ADAMTS2: variants seen among roughly 807,000 people sequenced by gnomAD.
ADAMTS2 encodes A disintegrin and metalloproteinase with thrombospondin motifs 2.
A neutral mutation model predicts 123.0 loss-of-function variants in ADAMTS2; 50 were observed. The ratio of observed to expected loss-of-function variants is 0.41; its 90% CI spans 0.32 to 0.51. The LOEUF (loss-of-function observed/expected upper bound fraction) is 0.51, where lower values mean the gene tolerates loss of function less well. ADAMTS2 is among the 20% of genes least tolerant of loss of function. The pLI, the probability that ADAMTS2 is intolerant of heterozygous loss-of-function variation, is 0.35. For synonymous variants in ADAMTS2, 678 were observed against 695.4 expected, an observed-to-expected ratio of 0.98 and a Z score of 0.39; for missense variants, 1,494 against 1,705.2, an observed-to-expected ratio of 0.88 and a Z score of 2.18.
intron 2 of ADAMTS2, among the ~76,000 whole-genome samples, chr5:179,309,194 A>C (rs1378730146): frequency 1.3e-5 from 2 of 152,186 alleles, no homozygotes; most frequent in African/African-American, 4.8e-5. Context: ...CATGCCTCCC[A>C]AGGGTTGTGC....
At chr5:179,208,808 G>C (rs188356378) in intron 3 of ADAMTS2, among the ~76,000 whole-genome samples, 1 of 152,108 alleles carries the variant, frequency 6.6e-6, no homozygotes, top group Non-Finnish European at 1.5e-5. Flanking sequence ...CCAGCCCCAG[G>C]GTCTCCATGG....
At chr5:179,173,246 T>TAATAAA (rs949374832) in intron 5 of ADAMTS2, among the ~76,000 whole-genome samples, 3 of 146,498 alleles carry the variant, frequency 2.0e-5, no homozygotes, top group South Asian at 2.2e-4. Context: ...ATAATAATAA[T>TAATAAA]AAAAACCATG....
intron 5 of ADAMTS2, among the ~76,000 whole-genome samples, chr5:179,167,925 T>G (rs1309184675): frequency 6.6e-6 from 1 of 152,184 alleles, no homozygotes; most frequent in Non-Finnish European, 1.5e-5. Flanking sequence ...CCCTGGGGAC[T>G]GGCCTACCCG....
intron 4 of ADAMTS2, among the ~76,000 whole-genome samples, chr5:179,183,301 G>A (rs1437496787): frequency 6.6e-6 from 1 of 152,204 alleles, no homozygotes. Flanking sequence ...TGGCCAGCTT[G>A]GCTCATGGAG....
At chr5:179,318,078 T>C (rs1056124375) in intron 2 of ADAMTS2, among the ~76,000 whole-genome samples, 11 of 152,148 alleles carry the variant, frequency 7.2e-5, no homozygotes, top group African/African-American at 2.4e-4. Context: ...CCCTGGCCAT[T>C]AGCAAAGAGG....
At chr5:179,283,839 G>A (rs774412863) in intron 2 of ADAMTS2, among the ~76,000 whole-genome samples, 4 of 151,260 alleles carry the variant, frequency 2.6e-5, no homozygotes, top group South Asian at 2.1e-4. Context: ...ACAGTGAGCC[G>A]AGATCATGTC....
intron 19 of ADAMTS2, among the ~76,000 whole-genome samples, chr5:179,124,752 G>A (rs1484252252): frequency 6.6e-6 from 1 of 152,214 alleles, no homozygotes; most frequent in African/African-American, 2.4e-5. Flanking sequence ...CGGGATCAGG[G>A]GATTGCTTAC....
Position 179,137,804 on chromosome 5 carries a change from G to GCGT in ADAMTS2, c.1913_1915dup (p.Asp638dup). The GCGT allele has an allele frequency of 6.3e-7, 1 of 1,579,286 alleles. No individual in the cohort carries two copies. The highest frequency in any genetic ancestry group is 8.6e-7 in the Non-Finnish European group (1 of 1,164,836). On this transcript the variant is annotated inframe_insertion, in exon 12 of 22. Transcript: ENST00000251582. ...CTCGTGGGGCAGCCAGTGGTGCTGG[G>GCGT]CGTCGCCGTGCTCGAAGTACAGGTC...
intron 3 of ADAMTS2, among the ~76,000 whole-genome samples, chr5:179,236,031 T>C (rs1765515004): frequency 6.6e-6 from 1 of 152,188 alleles, no homozygotes. Context: ...CCCTGAAATA[T>C]GCTCAGCCTC....
rs1005109171 is a variant in ADAMTS2 at position 179,260,092 on chromosome 5, G to C, written c.688+12819C>G. Among the ~76,000 whole-genome samples the C allele has an allele frequency of 1.3e-5, 2 of 152,146 alleles. No homozygotes were observed. Among genetic ancestry groups the C allele is most frequent in the Non-Finnish European group, 1.5e-5 (1 of 68,026 alleles). ...CAGTCCTGCTCAAGTGTGAGGAAGT[G>C]GGACTAGCAAAGGCCCAGGGCCACC... is the stretch of plus-strand genomic sequence containing the variant. On this transcript the variant is annotated intron_variant, in intron 3 of 21. Transcript: ENST00000251582. This position sits in a 1 kb window ranked among gnomAD's most constrained non-coding sequence, Gnocchi z 4.2.
intron 2 of ADAMTS2, among the ~76,000 whole-genome samples, chr5:179,316,425 C>G (rs567261634): frequency 1.3e-5 from 2 of 152,318 alleles, no homozygotes; most frequent in African/African-American, 4.8e-5. Flanking sequence ...GGGGAGTCGG[C>G]CACAGCTCAG....
intron 5 of ADAMTS2, among the ~76,000 whole-genome samples, chr5:179,168,482 C>T (rs4701067): frequency 0.35 from 53,291 of 151,888 alleles, 9,534 homozygotes; most frequent in South Asian, 0.38. Context: ...ATGATCACAG[C>T]GCCTACTCCA....
At chr5:179,327,308 C>T (rs897837855) in intron 2 of ADAMTS2, among the ~76,000 whole-genome samples, 2 of 152,210 alleles carry the variant, frequency 1.3e-5, no homozygotes, top group African/African-American at 2.4e-5. Context: ...AACAGGGCTC[C>T]TCAGTCCACA....
intron 2 of ADAMTS2, among the ~76,000 whole-genome samples, chr5:179,275,222 T>TGGGGAGAAGGTGTTACAGGCACC (rs1766662642): frequency 6.6e-6 from 1 of 151,840 alleles, no homozygotes; most frequent in East Asian, 1.9e-4. Flanking sequence ...TCTGGGGTCC[T>TGGGGAGAAGGTGTTACAGGCACC]GGGGAGAAGG....
chr5:179,235,321 A>G (rs1765499105), intron 3 of ADAMTS2, among the ~76,000 whole-genome samples: 1 of 152,202 alleles, frequency 6.6e-6, no homozygotes, highest in African/African-American at 2.4e-5. Flanking sequence ...GGGATGAAGG[A>G]ATAGACAAGG....
chr5:179,136,797 T>C (rs1763073980), intron 12 of ADAMTS2, among the ~76,000 whole-genome samples: 1 of 150,920 alleles, frequency 6.6e-6, no homozygotes, highest in African/African-American at 2.4e-5. Context: ...GGTGAAACCC[T>C]GTCTCTACAA....
chr5:179,223,452 ACACTCACACAC>A, intron 3 of ADAMTS2, among the ~76,000 whole-genome samples: 1 of 140,932 alleles, frequency 7.1e-6, no homozygotes, highest in Non-Finnish European at 1.5e-5. Context: ...TCACACACGC[ACACTCACACAC>A]GAATGCACTC....
In ADAMTS2 at chr5:179,136,059, T is replaced by TG. The variant is rs760810414; in HGVS notation, c.1952-18dup. On this transcript the variant is annotated splice_polypyrimidine_tract_variant and intron_variant, in intron 12 of 21. Transcript: ENST00000251582. ...TCTCCTTGGCTGGAAGGGAAGCAGC[T>TG]GGGGGTCTGCAAGGAGCCCTGATGG... 6.2e-7 allele frequency: 1 copy of TG among 1,612,972 alleles called. No homozygotes were observed. Among genetic ancestry groups the TG allele is most frequent in the East Asian group, 2.2e-5 (1 of 44,842 alleles).
At chr5:179,226,440 T>C (rs575319714) in intron 3 of ADAMTS2, among the ~76,000 whole-genome samples, 1 of 151,830 alleles carries the variant, frequency 6.6e-6, no homozygotes, top group South Asian at 2.1e-4. Context: ...TTAATTTTTT[T>C]TTTTTTTTGT....
Sources: allele counts gnomAD v4.1 joint callset (sites outside exome capture counted in the v4.1 genomes callset), GRCh38; gene constraint gnomAD v4.1.1; non-coding constraint Gnocchi (gnomAD v3.1); transcripts MANE v1.5; gene names NCBI Gene and HGNC (gene_info 2026-07-23, HGNC 2026-07-21).